The following WDR4 variants were observed in gnomAD, a reference collection of about 807,000 sequenced individuals.
WDR4 encodes WDR4 tRNA N7-guanosine methyltransferase non-catalytic subunit, also known as tRNA (guanine-N(7)-)-methyltransferase non-catalytic subunit WDR4.
Under a neutral mutation model 48.6 loss-of-function variants are expected in WDR4, and 47 were observed. The observed-to-expected ratio is 0.97, with a 90% CI of 0.77 to 1.23. The LOEUF (loss-of-function observed/expected upper bound fraction) is 1.23, where lower values mean the gene tolerates loss of function less well. Among genes scored for constraint, WDR4 ranks in the 50% most tolerant of loss-of-function variants. WDR4 has a pLI of 0.00. For missense variants in WDR4, 606 were observed against 551.6 expected (o/e 1.10, Z -0.99); for synonymous variants, 268 against 230.0 (o/e 1.17, Z -1.49).
chr21:42,882,048 A>G (rs144593647), upstream of WDR4, among the ~76,000 whole-genome samples: 412 of 150,992 alleles, frequency 2.7e-3, no homozygotes, highest in African/African-American at 9.5e-3. Context: ...TGATTCTCCT[A>G]CCTTGGCCTC....
chr21:42,888,430 G>C, the WDR4 span, among the ~76,000 whole-genome samples: 1 of 152,048 alleles, frequency 6.6e-6, no homozygotes, highest in African/African-American at 2.4e-5. Context: ...GTGGTACTGT[G>C]CACCTGTAGT....
At chr21:42,876,493 C>A (rs755284195) in intron 2 of WDR4, among the ~76,000 whole-genome samples, 2 of 152,096 alleles carry the variant, frequency 1.3e-5, no homozygotes, top group Non-Finnish European at 2.9e-5. Flanking sequence ...GGATTACAGG[C>A]ATAAGCCACC....
chr21:42,890,922 C>T, the WDR4 span, among the ~76,000 whole-genome samples: 1 of 152,226 alleles, frequency 6.6e-6, no homozygotes, highest in Non-Finnish European at 1.5e-5. Context: ...TACCTCCCAA[C>T]CAGGCTGCAT....
At chr21:42,877,005 C>T (rs899121700) in intron 1 of WDR4, among the ~76,000 whole-genome samples, 6 of 151,894 alleles carry the variant, frequency 4.0e-5, no homozygotes, top group African/African-American at 7.3e-5. Flanking sequence ...TTTGTAGAAA[C>T]GGGGTTTCTC....
chr21:42,864,030 C>A lies in WDR4; in HGVS notation c.297-434G>T, dbSNP rs1479870522. ...GCTGAGGCGGGAGAATGGCGTGAACCCGGGAGGCGGAGCTTGCAGTGAGCC... is the reference window on the plus strand; with the variant it reads ...GCTGAGGCGGGAGAATGGCGTGAACACGGGAGGCGGAGCTTGCAGTGAGCC... On this transcript the variant is annotated intron_variant, in intron 3 of 10. Transcript: ENST00000398208. Among the ~76,000 whole-genome samples, 3 of 81,616 alleles carry A rather than the reference C, an allele frequency of 3.7e-5. 1 individual carries two copies. Among genetic ancestry groups the A allele is most frequent in the Non-Finnish European group, 6.9e-5 (3 of 43,540 alleles). 53.5% of individuals were successfully genotyped at this position (81,616 alleles called of 152,430 possible).
At chr21:42,891,497 G>C in the WDR4 span, among the ~76,000 whole-genome samples, 3 of 152,126 alleles carry the variant, frequency 2.0e-5, no homozygotes, top group Non-Finnish European at 4.4e-5. Context: ...GCTGGTGGTG[G>C]TGTGGAAGTG....
At chr21:42,879,213 G>C in intron 1 of WDR4, 194 bp downstream of exon 1, 3 of 1,326,662 alleles carry the variant, frequency 2.3e-6, no homozygotes, top group Non-Finnish European at 2.9e-6. Context: ...GAGAGCGGAC[G>C]GCGAAAGCGG....
Position 42,863,731 on chromosome 21 carries a change from G to A in WDR4, c.297-135C>T, listed in dbSNP as rs190379524. ...CTGTTTTCCAGCTGCTGAAGGTGGTGCCAAAAAAATTAAGCAATGCTAACA... is the reference window on the plus strand; with the variant it reads ...CTGTTTTCCAGCTGCTGAAGGTGGTACCAAAAAAATTAAGCAATGCTAACA... On this transcript the variant is annotated intron_variant, in intron 3 of 10. Transcript: ENST00000398208. The A allele has an allele frequency of 1.1e-5, 11 of 1,017,932 alleles. No homozygotes were observed. In the Admixed American group the frequency reaches 1.5e-4, roughly 14 times the overall value. 63.1% of individuals were successfully genotyped at this position (1,017,932 alleles called of 1,614,324 possible). A position where few individuals can be genotyped will look rare whatever the true frequency, so the allele number is the denominator to read the frequency against.
intron 3 of WDR4, among the ~76,000 whole-genome samples, chr21:42,865,233 G>C (rs1306407724): frequency 6.6e-6 from 1 of 152,216 alleles, no homozygotes; most frequent in East Asian, 1.9e-4. Flanking sequence ...GACAAAGAAA[G>C]ATAATTACGC....
chr21:42,846,960 G>C (rs2057715960), downstream of WDR4, among the ~76,000 whole-genome samples: 1 of 101,980 alleles, frequency 9.8e-6, no homozygotes, highest in Non-Finnish European at 2.0e-5. Flanking sequence ...GGCGGAGGTT[G>C]CAGTGAGGTG....
intron 10 of WDR4, 48 bp from the exon 11 acceptor site, chr21:42,850,290 G>A (rs1180533064): frequency 1.3e-6 from 2 of 1,528,464 alleles, no homozygotes; most frequent in Non-Finnish European, 1.8e-6. Context: ...AGGAACATGG[G>A]ACTCGGCCAC....
chr21:42,878,890 G>T, intron 1 of WDR4: 1 of 914,548 alleles, frequency 1.1e-6, no homozygotes, highest in Non-Finnish European at 1.3e-6. Context: ...AAGGCCAGGT[G>T]AGTGGATGCA....
chr21:42,879,297 G>A lies in WDR4; in HGVS notation c.89+110C>T, dbSNP rs1048327999. On this transcript the variant is annotated intron_variant, in intron 1 of 10. Transcript: ENST00000398208. ...TCGTGGGCTGGAGCGGAGTTCCCCG[G>A]GGTCACCCCAGAGTGGGTGCGACCA... 6.2e-6 allele frequency: 9 copies of A among 1,457,402 alleles called. No homozygotes were observed. In the African/African-American group the frequency reaches 7.2e-5, roughly 12 times the overall value. 90.3% of individuals were successfully genotyped at this position (1,457,402 alleles called of 1,614,324 possible). A position where few individuals can be genotyped will look rare whatever the true frequency, so the allele number is the denominator to read the frequency against.
intron 10 of WDR4, among the ~76,000 whole-genome samples, chr21:42,850,789 T>C (rs991786027): frequency 3.3e-5 from 5 of 152,170 alleles, no homozygotes; most frequent in Admixed American, 6.5e-5. Context: ...GAGTGTGGGA[T>C]AGCATGTTCT....
chr21:42,862,182 G>A lies in WDR4; in HGVS notation c.566+100C>T, dbSNP rs1298956981. 25 of 1,098,566 alleles carry A rather than the reference G, an allele frequency of 2.3e-5. No homozygotes were observed. Among genetic ancestry groups the A allele is most frequent in the African/African-American group, 4.7e-5 (3 of 64,124 alleles). The allele number at this position is 1,098,566 out of a possible 1,614,324, so 68.1% of individuals were successfully genotyped here. ...AAGCACGGGGGCTGCTGTCACCCGC[G>A]TGGGGCCTCGCCAGCTACAACGGCA... On this transcript the variant is annotated intron_variant, in intron 5 of 10. Transcript: ENST00000398208. The surrounding 1 kb of genome is among the most constrained non-coding windows in gnomAD (Gnocchi z 4.3).
At position 42,879,125 on chromosome 21, in the gene WDR4, G is replaced by A. The variant is rs1057128606; in HGVS notation, c.89+282C>T. The stretch of plus-strand genomic sequence containing the variant: ...GCGCCGCGGAGACCGGAAGCGACCC[G>A]GCGGCGCTAACCGGGCAAGAACACC... On this transcript the variant is annotated intron_variant, in intron 1 of 10. Coordinates refer to ENST00000398208, the MANE Select transcript of WDR4 (RefSeq NM_018669.6). 11 of 1,217,868 alleles carry A rather than the reference G, an allele frequency of 9.0e-6. No individual in the cohort carries two copies. The East Asian group carries it at 3.2e-4, about 35-fold the overall frequency. 75.4% of individuals were successfully genotyped at this position (1,217,868 alleles called of 1,614,324 possible).
At chr21:42,865,343 A>G (rs1481807099) in intron 3 of WDR4, among the ~76,000 whole-genome samples, 1 of 152,238 alleles carries the variant, frequency 6.6e-6, no homozygotes, top group Non-Finnish European at 1.5e-5. Context: ...CGATGGGCTC[A>G]TTAAGCAGCT....
Position 42,873,687 on chromosome 21 carries a change from C to T in WDR4, c.160G>A (p.Asp54Asn). 1 of 1,613,620 alleles carries T rather than the reference C, an allele frequency of 6.2e-7. No individual in the cohort carries two copies. Among genetic ancestry groups the T allele is most frequent in the Non-Finnish European group, 8.5e-7 (1 of 1,179,756 alleles). The change falls in exon 3 of 11, where the codon GAC (aspartate) becomes AAC (asparagine). Residue 54 changes from aspartate to asparagine, a missense_variant. Transcript: ENST00000398208. ...CCGCTCCCCTGGTCCAAGGGCGCGTCCTCCCTGAGGAAGAGAGGAGGAAGA... is the reference window on the plus strand; with the variant it reads ...CCGCTCCCCTGGTCCAAGGGCGCGTTCTCCCTGAGGAAGAGAGGAGGAAGA... ...EKKSQENKGE[D>N]APLDQGSGAI...
At position 42,853,549 on chromosome 21, in the gene WDR4, T is replaced by C. The variant is rs2057891175; in HGVS notation, c.975+20A>G. On this transcript the variant is annotated intron_variant, in intron 9 of 10. Coordinates refer to ENST00000398208, the MANE Select transcript of WDR4 (RefSeq NM_018669.6). Reference sequence around the variant, plus strand: ...ATGGAAAGGCAGGGCATAGGACATCTGGAAGGTGCCGAGTCTCACCTGCCA... The same window carrying C: ...ATGGAAAGGCAGGGCATAGGACATCCGGAAGGTGCCGAGTCTCACCTGCCA... The C allele has an allele frequency of 1.2e-6, 2 of 1,600,302 alleles. No homozygotes were observed. The highest frequency in any genetic ancestry group is 4.5e-5 in the East Asian group (2 of 44,404).
Sources: allele counts gnomAD v4.1 joint callset (sites outside exome capture counted in the v4.1 genomes callset), GRCh38; gene constraint gnomAD v4.1.1; non-coding constraint Gnocchi (gnomAD v3.1); transcripts MANE v1.5; gene names NCBI Gene and HGNC (gene_info 2026-07-23, HGNC 2026-07-21).